The following TMEM74 variants were observed in gnomAD, a reference collection of about 807,000 sequenced individuals.
The protein encoded by TMEM74 is transmembrane protein 74.
A neutral mutation model predicts 18.1 loss-of-function variants in TMEM74; 13 were observed. The observed-to-expected ratio is 0.72, with a 90% confidence interval of 0.47 to 1.14. TMEM74 has a LOEUF of 1.14. TMEM74 is among the 50% of genes most tolerant of loss of function. TMEM74 has a pLI of 0.00. For missense variants in TMEM74, 372 were observed against 375.9 expected (o/e 0.99, Z 0.09); for synonymous variants, 159 against 146.6 (o/e 1.08, Z -0.61).
intron 2 of TMEM74, among the ~76,000 whole-genome samples, chr8:108,638,426 A>G (rs1216009022): frequency 6.6e-6 from 1 of 152,060 alleles, no homozygotes; most frequent in Non-Finnish European, 1.5e-5. Flanking sequence ...TTAAGATTCT[A>G]GGAAAATATT....
chr8:108,686,459 C>G (rs1394664318), intron 1 of TMEM74, among the ~76,000 whole-genome samples: 1 of 152,116 alleles, frequency 6.6e-6, no homozygotes, highest in Non-Finnish European at 1.5e-5. Context: ...GCCTCAGCCT[C>G]CCAAAGTGCT....
At chr8:108,623,495 G>A (rs1330292055) in intron 2 of TMEM74, among the ~76,000 whole-genome samples, 5 of 151,884 alleles carry the variant, frequency 3.3e-5, no homozygotes, top group Admixed American at 2.6e-4. Flanking sequence ...TTTCTATGTT[G>A]GCTGTGAATA....
intron 1 of TMEM74, among the ~76,000 whole-genome samples, chr8:108,761,451 A>G (rs779525208): frequency 1.2e-4 from 18 of 152,284 alleles, no homozygotes; most frequent in South Asian, 1.0e-3. Flanking sequence ...TATCCTTACA[A>G]ATGACAGCCA....
chr8:108,756,602 G>GAA (rs1563543615), intron 1 of TMEM74, among the ~76,000 whole-genome samples: 1 of 45,830 alleles, frequency 2.2e-5, no homozygotes, highest in Non-Finnish European at 3.9e-5. Context: ...GAAAGAGAAA[G>GAA]GAAGGAAGGA....
chr8:108,703,817 G>A (rs951405649), intron 1 of TMEM74, among the ~76,000 whole-genome samples: 2 of 152,206 alleles, frequency 1.3e-5, no homozygotes, highest in African/African-American at 4.8e-5. Context: ...TTACGGCAGG[G>A]TAGATACCAG....
At chr8:108,665,107 A>T (rs1158796763) in intron 1 of TMEM74, among the ~76,000 whole-genome samples, 1 of 152,066 alleles carries the variant, frequency 6.6e-6, no homozygotes, top group African/African-American at 2.4e-5. Flanking sequence ...GATATAACTT[A>T]CTATGAATAG....
At chr8:108,672,234 C>A (rs1402042033) in intron 1 of TMEM74, among the ~76,000 whole-genome samples, 1 of 152,020 alleles carries the variant, frequency 6.6e-6, no homozygotes, top group East Asian at 1.9e-4. Context: ...AAGAGTGAAC[C>A]CATTTTTATG....
chr8:108,744,907 T>C (rs1438315732), intron 1 of TMEM74, among the ~76,000 whole-genome samples: 1 of 152,174 alleles, frequency 6.6e-6, no homozygotes, highest in African/African-American at 2.4e-5. Context: ...TAACAGCTAT[T>C]CATTGGAAAA....
At chr8:108,748,814 G>C (rs1272144831) in intron 1 of TMEM74, among the ~76,000 whole-genome samples, 7 of 151,684 alleles carry the variant, frequency 4.6e-5, no homozygotes, top group Non-Finnish European at 7.4e-5. Context: ...TTCTCATGTG[G>C]CTAGCCAGTT....
chr8:108,678,050 C>T (rs1339438050), intron 1 of TMEM74, among the ~76,000 whole-genome samples: 1 of 150,466 alleles, frequency 6.6e-6, no homozygotes, highest in Non-Finnish European at 1.5e-5. Context: ...GGCCAGTTTT[C>T]ATGCTGCCTT....
intron 2 of TMEM74, among the ~76,000 whole-genome samples, chr8:108,650,438 C>A (rs1486871624): frequency 6.6e-6 from 1 of 152,124 alleles, no homozygotes; most frequent in Non-Finnish European, 1.5e-5. Flanking sequence ...CATTTCATGC[C>A]AAGCAAAAGC....
At chr8:108,689,258 T>G (rs553591710) in intron 1 of TMEM74, among the ~76,000 whole-genome samples, 7 of 152,230 alleles carry the variant, frequency 4.6e-5, no homozygotes, top group Admixed American at 1.3e-4. Context: ...TGCGGACAAA[T>G]ACCAAATACA....
chr8:108,728,020 A>G lies in TMEM74; in HGVS notation n.119+59456T>C, dbSNP rs574899735. Among the ~76,000 whole-genome samples the G allele has an allele frequency of 2.0e-5, 3 of 152,362 alleles. No homozygotes were observed. The East Asian group carries it at 5.8e-4, about 29-fold the overall frequency. On this transcript the variant is annotated intron_variant and non_coding_transcript_variant, in intron 1 of 3. Transcript: ENST00000518838. ...CTGGAGTTAGCAATGCAGAGTCACTAGGAACCTAGATGAGTGCAATTTTAG... is the reference window on the plus strand; with the variant it reads ...CTGGAGTTAGCAATGCAGAGTCACTGGGAACCTAGATGAGTGCAATTTTAG...
chr8:108,629,904 C>T (rs964126818), intron 2 of TMEM74, among the ~76,000 whole-genome samples: 7 of 151,950 alleles, frequency 4.6e-5, no homozygotes, highest in African/African-American at 1.7e-4. Flanking sequence ...AAACCAATGA[C>T]ACTATGAAGA....
chr8:108,755,944 G>A (rs1242765139), intron 1 of TMEM74, among the ~76,000 whole-genome samples: 1 of 151,968 alleles, frequency 6.6e-6, no homozygotes, highest in Non-Finnish European at 1.5e-5. Context: ...GGAATGGGGG[G>A]AATGGGGAGT....
At chr8:108,720,418 A>G (rs1813574246) in intron 1 of TMEM74, among the ~76,000 whole-genome samples, 1 of 152,246 alleles carries the variant, frequency 6.6e-6, no homozygotes, top group Non-Finnish European at 1.5e-5. Flanking sequence ...TGGAAAAGAC[A>G]TAGTATAAAA....
chr8:108,614,746 T>C (rs1032528251), intron 2 of TMEM74, among the ~76,000 whole-genome samples: 1 of 152,090 alleles, frequency 6.6e-6, no homozygotes. Context: ...GGCCAGCAGG[T>C]GGGCATTGAG....
Position 108,784,441 on chromosome 8 carries a change from C to G in TMEM74, c.658G>C (p.Glu220Gln). The G allele has an allele frequency of 6.2e-7, 1 of 1,614,224 alleles. No individual in the cohort carries two copies. Among genetic ancestry groups the G allele is most frequent in the Non-Finnish European group, 8.5e-7 (1 of 1,180,046 alleles). The change falls in exon 2 of 2, where the codon GAG becomes CAG. Residue 220 changes from glutamate to glutamine, a missense_variant. Transcript: ENST00000297459. Reference sequence around the variant, plus strand: ...AGGTGAGCCCCCAGCCTCGCACTCTCCTTCTCCAGGCGCTCCATCTCCCGG... The same window carrying G: ...AGGTGAGCCCCCAGCCTCGCACTCTGCTTCTCCAGGCGCTCCATCTCCCGG... The part of the protein sequence containing the change: ...AAREMERLEK[E>Q]SARLGAHLDR...
chr8:108,649,779 G>C (rs187562623), intron 2 of TMEM74, among the ~76,000 whole-genome samples: 170 of 152,246 alleles, frequency 1.1e-3, no homozygotes, highest in Middle Eastern at 6.8e-3. Flanking sequence ...CTTCTGCACT[G>C]TTCAGTAGCC....
Sources: gnomAD v4.1 joint callset for allele counts (sites outside exome capture counted in the v4.1 genomes callset) on GRCh38, gnomAD v4.1.1 for gene constraint, MANE v1.5 for transcripts, NCBI Gene and HGNC (gene_info 2026-07-23, HGNC 2026-07-21) for gene names.